Variants in RIMS2 observed in about 807,000 individuals in gnomAD.
The protein encoded by RIMS2 is regulating synaptic membrane exocytosis 2.
Under a neutral mutation model 174.4 loss-of-function variants are expected in RIMS2, and 59 were observed. The observed-to-expected ratio is 0.34, with a 90% confidence interval of 0.27 to 0.42. RIMS2 has a LOEUF of 0.42. RIMS2 is among the 10% of genes least tolerant of loss of function. The pLI is 1.00. For synonymous variants in RIMS2, 606 were observed against 572.5 expected, an observed-to-expected ratio of 1.06 and a Z score of -0.84; for missense variants, 1,620 against 1,666.3, an observed-to-expected ratio of 0.97 and a Z score of 0.48.
At chr8:104,215,133 C>A (rs1171456182) in intron 19 of RIMS2, among the ~76,000 whole-genome samples, 1 of 151,982 alleles carries the variant, frequency 6.6e-6, no homozygotes, top group Non-Finnish European at 1.5e-5. Context: ...GACAGTTAAG[C>A]AAAAAATCTA....
At chr8:104,017,012 C>A (rs1472015946) in intron 19 of RIMS2, among the ~76,000 whole-genome samples, 1 of 151,804 alleles carries the variant, frequency 6.6e-6, no homozygotes, top group Non-Finnish European at 1.5e-5. Flanking sequence ...CCTCCCTTAT[C>A]CTTTTTAGTA....
intron 19 of RIMS2, among the ~76,000 whole-genome samples, chr8:104,077,521 G>A (rs1345064426): frequency 6.6e-6 from 1 of 150,912 alleles, no homozygotes; most frequent in African/African-American, 2.4e-5. Flanking sequence ...TTATTGTATA[G>A]TTTATATTCC....
intron 19 of RIMS2, among the ~76,000 whole-genome samples, chr8:104,130,443 T>C (rs1034249252): frequency 1.3e-5 from 2 of 152,178 alleles, no homozygotes; most frequent in Non-Finnish European, 2.9e-5. Context: ...ACTGAAACTT[T>C]TAGCATAGTG....
At chr8:103,578,168 G>A (rs1381802384) in intron 1 of RIMS2, among the ~76,000 whole-genome samples, 1 of 152,084 alleles carries the variant, frequency 6.6e-6, no homozygotes, top group Non-Finnish European at 1.5e-5. Flanking sequence ...GTACCCCAAG[G>A]CACATAATCA....
intron 2 of RIMS2, among the ~76,000 whole-genome samples, chr8:103,763,820 C>T (rs1255084768): frequency 6.6e-6 from 1 of 152,192 alleles, no homozygotes; most frequent in African/African-American, 2.4e-5. Context: ...AACAATACTA[C>T]TTGTACAGTC....
At chr8:103,598,993 T>C (rs548235048) in intron 1 of RIMS2, among the ~76,000 whole-genome samples, 2 of 152,226 alleles carry the variant, frequency 1.3e-5, no homozygotes, top group African/African-American at 2.4e-5. Context: ...CCAGAAGATC[T>C]ACTCCTACTG....
At chr8:104,112,606 A>G (rs1338269174) in intron 19 of RIMS2, among the ~76,000 whole-genome samples, 1 of 152,198 alleles carries the variant, frequency 6.6e-6, no homozygotes, top group Non-Finnish European at 1.5e-5. Context: ...CTAACTAAAT[A>G]AATTTAGAAT....
intron 3 of RIMS2, among the ~76,000 whole-genome samples, chr8:103,775,038 A>G (rs541917894): frequency 3.9e-5 from 6 of 152,244 alleles, no homozygotes; most frequent in African/African-American, 1.4e-4. Flanking sequence ...TTTATAATCA[A>G]TGTTTCAATA....
At chr8:104,061,442 T>C (rs1302633832) in intron 19 of RIMS2, among the ~76,000 whole-genome samples, 2 of 152,002 alleles carry the variant, frequency 1.3e-5, no homozygotes, top group African/African-American at 2.4e-5. Flanking sequence ...TAATTACACT[T>C]TTCTTCTTAT....
chr8:103,680,783 C>G (rs1209347883), intron 1 of RIMS2, among the ~76,000 whole-genome samples: 2 of 151,796 alleles, frequency 1.3e-5, no homozygotes, highest in Non-Finnish European at 2.9e-5. Flanking sequence ...AATGGGACAT[C>G]AATTAATACC....
chr8:104,016,061 G>GCTA (rs2095894652), intron 19 of RIMS2, among the ~76,000 whole-genome samples: 5 of 151,920 alleles, frequency 3.3e-5, no homozygotes, highest in African/African-American at 1.2e-4. Context: ...GGTGATATAT[G>GCTA]GAGTGTCATA....
chr8:103,673,474 A>G (rs1033870540), intron 1 of RIMS2, among the ~76,000 whole-genome samples: 8 of 152,024 alleles, frequency 5.3e-5, no homozygotes, highest in African/African-American at 1.9e-4. Flanking sequence ...CCGAGATTGC[A>G]CTCTGTGTGC....
chr8:103,723,891 C>T (rs1435063635), intron 2 of RIMS2, among the ~76,000 whole-genome samples: 2 of 152,140 alleles, frequency 1.3e-5, no homozygotes, highest in Non-Finnish European at 2.9e-5. Context: ...AGCCTGAGTT[C>T]ACTGTCGGGG....
chr8:104,127,118 C>T (rs2098438204), intron 19 of RIMS2, among the ~76,000 whole-genome samples: 1 of 152,090 alleles, frequency 6.6e-6, no homozygotes, highest in Non-Finnish European at 1.5e-5. Flanking sequence ...CCTGCTTTTA[C>T]ATTTTAGTTA....
chr8:103,981,697 A>C (rs754657168), intron 16 of RIMS2, among the ~76,000 whole-genome samples: 2 of 152,130 alleles, frequency 1.3e-5, no homozygotes, highest in Non-Finnish European at 2.9e-5. Context: ...TGAAATAATT[A>C]AAAATAATCA....
At chr8:104,189,480 G>A (rs1265474234) in intron 19 of RIMS2, among the ~76,000 whole-genome samples, 1 of 151,360 alleles carries the variant, frequency 6.6e-6, no homozygotes, top group Admixed American at 6.6e-5. Context: ...TTTCCCTAGA[G>A]GTCCAAAAGA....
chr8:103,660,880 A>G (rs1403405333), intron 1 of RIMS2, among the ~76,000 whole-genome samples: 2 of 152,246 alleles, frequency 1.3e-5, no homozygotes, highest in Non-Finnish European at 2.9e-5. Context: ...TAAGTAATAT[A>G]AAACTTAAGT....
chr8:103,956,494 A>G (rs1490116565), intron 14 of RIMS2, among the ~76,000 whole-genome samples: 1 of 152,216 alleles, frequency 6.6e-6, no homozygotes, highest in Admixed American at 6.5e-5. Context: ...AAAACAAGCA[A>G]TGGGAAAAGG....
At chr8:103,969,636 A>T (rs1410396888) in intron 15 of RIMS2, among the ~76,000 whole-genome samples, 1 of 152,180 alleles carries the variant, frequency 6.6e-6, no homozygotes, top group African/African-American at 2.4e-5. Flanking sequence ...TTGTATATTA[A>T]TCATAGTGGT....
Sources: gnomAD v4.1 joint callset for allele counts (sites outside exome capture counted in the v4.1 genomes callset) on GRCh38, gnomAD v4.1.1 for gene constraint, MANE v1.5 for transcripts, NCBI Gene and HGNC (gene_info 2026-07-23, HGNC 2026-07-21) for gene names.